Variants in XAB2 observed in about 807,000 individuals in gnomAD.
XAB2 encodes the protein XPA binding protein 2.
In XAB2, 57 loss-of-function variants were observed where a neutral mutation model predicts 113.4. That is an observed-to-expected ratio of 0.50 (90% CI 0.41 to 0.63). The LOEUF (loss-of-function observed/expected upper bound fraction) is 0.63, where lower values mean the gene tolerates loss of function less well. Ranked by LOEUF, XAB2 falls within the 20% of genes least tolerant of loss-of-function variation. The pLI, the probability that XAB2 is intolerant of heterozygous loss-of-function variation, is 0.00. For missense variants in XAB2, 1,037 were observed against 1,233.3 expected (o/e 0.84, Z 2.38); for synonymous variants, 497 against 498.8 (o/e 1.00, Z 0.05).
Position 7,625,980 on chromosome 19 carries a change from T to C in XAB2, c.722A>G (p.Asp241Gly). ...NPDKVQSLNV[D>G]AIIRGGLTRF... The stretch of plus-strand genomic sequence containing the variant: ...GGTGAGGCCCCCGCGGATGATGGCG[T>C]CCACATTGAGGGACTGTACCTTGTC... The change falls in exon 6 of 19, where the codon GAC (aspartate) becomes GGC (glycine). Residue 241 changes from aspartate to glycine, a missense_variant. Physicochemically the swap from Asp to Gly is moderately conservative, Grantham distance 94 (BLOSUM62 -1). Transcript: ENST00000358368. The surrounding 1 kb of genome is among the most constrained non-coding windows in gnomAD (Gnocchi z 5.2). The C allele has an allele frequency of 1.2e-6, 2 of 1,613,738 alleles. No homozygotes were observed. Among genetic ancestry groups the C allele is most frequent in the Non-Finnish European group, 1.7e-6 (2 of 1,179,870 alleles).
At chr19:7,629,117 A>T (rs1599375468) in intron 1 of XAB2, among the ~76,000 whole-genome samples, 1 of 151,976 alleles carries the variant, frequency 6.6e-6, no homozygotes, top group Non-Finnish European at 1.5e-5. Context: ...AGAAACCAGA[A>T]CCCTGGCCTC....
chr19:7,625,522 AG>A lies in XAB2; in HGVS notation c.822+357del, dbSNP rs1274783939. ...GAGATGGAGTCTCGCTCTGCCACCC[AG>A]GCTGGACTTCCGTGGCGCGATCGCA... On this transcript the variant is annotated intron_variant, in intron 6 of 18. Coordinates refer to ENST00000358368, the MANE Select transcript of XAB2 (RefSeq NM_020196.3). This position sits in a 1 kb window ranked among gnomAD's most constrained non-coding sequence, Gnocchi z 5.2. 7.9e-6 allele frequency among the ~76,000 whole-genome samples: 1 copy of A among 126,044 alleles called. No homozygotes were observed. Among genetic ancestry groups the A allele is most frequent in the Non-Finnish European group, 1.6e-5 (1 of 63,522 alleles). 82.7% of individuals were successfully genotyped at this position (126,044 alleles called of 152,430 possible). A position where few individuals can be genotyped will look rare whatever the true frequency, so the allele number is the denominator to read the frequency against.
chr19:7,627,361 C>A lies in XAB2; in HGVS notation c.404G>T (p.Arg135Leu). The A allele has an allele frequency of 6.2e-7, 1 of 1,613,260 alleles. No individual in the cohort carries two copies. The highest frequency in any genetic ancestry group is 8.5e-7 in the Non-Finnish European group (1 of 1,179,830). Reference protein sequence around the residue: ...RVTHTRRTFDRALRALPITQH... With the variant: ...RVTHTRRTFDLALRALPITQH... Reference sequence around the variant, plus strand: ...CGTGATGGGCAGTGCCCGGAGGGCACGGTCGAAGGTGCGGCGGGTGTGTGT... The same window carrying A: ...CGTGATGGGCAGTGCCCGGAGGGCAAGGTCGAAGGTGCGGCGGGTGTGTGT... The change falls in exon 4 of 19, where the codon CGT becomes CTT. Residue 135 changes from arginine (R) to leucine (L), a missense_variant. By Grantham distance (102) the Arg-to-Leu change is moderately radical (BLOSUM62 -2). Transcript: ENST00000358368. This position sits in a 1 kb window ranked among gnomAD's most constrained non-coding sequence, Gnocchi z 4.5.
chr19:7,620,241 T>G, intron 16 of XAB2, 34 bp downstream of exon 16: 1 of 1,611,216 alleles, frequency 6.2e-7, no homozygotes, highest in Non-Finnish European at 8.5e-7. Context: ...TGAGATGCCC[T>G]GGATCAGGAA....
At position 7,620,548 on chromosome 19, in the gene XAB2, CG is replaced by C; in HGVS notation, c.2092del (p.Arg698GlyfsTer72). ...YSFCSQICDP[R>X]TTGAFWQTWK... Reference sequence around the variant, plus strand: ...ACCCGTCCCTCCCCACAGCCCTACCCGGGGGTCACAGATCTGGGAGCAGAAG... The same window carrying C: ...ACCCGTCCCTCCCCACAGCCCTACCCGGGGTCACAGATCTGGGAGCAGAAG... On this transcript the variant is annotated frameshift_variant and splice_region_variant, in exon 15 of 19. Transcript: ENST00000358368. LOFTEE classifies it high-confidence loss of function. 1.9e-6 allele frequency: 3 copies of C among 1,613,368 alleles called. No individual in the cohort carries two copies. The highest frequency in any genetic ancestry group is 2.5e-6 in the Non-Finnish European group (3 of 1,179,942).
Position 7,624,575 on chromosome 19 carries a change from G to T in XAB2, c.823-130C>A. Reference sequence around the variant, plus strand: ...GTAGTGACGCATCCAGCACCTCTGGGTAGTGACCCCAGGACAGAGCCTCCG... The same window carrying T: ...GTAGTGACGCATCCAGCACCTCTGGTTAGTGACCCCAGGACAGAGCCTCCG... On this transcript the variant is annotated intron_variant, in intron 6 of 18. Transcript: ENST00000358368. The surrounding 1 kb of genome is among the most constrained non-coding windows in gnomAD (Gnocchi z 4.2). 7.3e-7 allele frequency: 1 copy of T among 1,377,286 alleles called. No homozygotes were observed. Among genetic ancestry groups the T allele is most frequent in the Non-Finnish European group, 9.9e-7 (1 of 1,008,560 alleles). The allele number at this position is 1,377,286 out of a possible 1,614,324, so 85.3% of individuals were successfully genotyped here. A position where few individuals can be genotyped will look rare whatever the true frequency, so the allele number is the denominator to read the frequency against.
Position 7,623,336 on chromosome 19 carries a change from A to G in XAB2, c.1120-47T>C. 1 of 1,602,276 alleles carries G rather than the reference A, an allele frequency of 6.2e-7. No individual in the cohort carries two copies. Among genetic ancestry groups the G allele is most frequent in the Non-Finnish European group, 8.5e-7 (1 of 1,173,512 alleles). On this transcript the variant is annotated intron_variant, in intron 8 of 18. Coordinates refer to ENST00000358368, the MANE Select transcript of XAB2 (RefSeq NM_020196.3). This position sits in a 1 kb window ranked among gnomAD's most constrained non-coding sequence, Gnocchi z 4.6. ...TCATATAGGACTCAGGACCCTGCAG[A>G]TGACGGTCGGGGCAGAGCTGTGGCT...
chr19:7,623,652 T>A lies in XAB2; in HGVS notation c.1119+79A>T. The A allele has an allele frequency of 6.7e-7, 1 of 1,502,300 alleles. No individual in the cohort carries two copies. Among genetic ancestry groups the A allele is most frequent in the Non-Finnish European group, 8.9e-7 (1 of 1,128,440 alleles). The allele number at this position is 1,502,300 out of a possible 1,614,324, so 93.1% of individuals were successfully genotyped here. On this transcript the variant is annotated intron_variant, in intron 8 of 18. Transcript: ENST00000358368. This position sits in a 1 kb window ranked among gnomAD's most constrained non-coding sequence, Gnocchi z 4.6. ...AAAGTCAGGCCCCTAGAAGGTGACA[T>A]TATGGGTGAAGGTGGGTGGCTCCCC...
chr19:7,624,273 C>T lies in XAB2; in HGVS notation c.967+28G>A. The stretch of plus-strand genomic sequence containing the variant: ...CGCTAATGTCCACTCAGCTCTCTCC[C>T]CACCAGCCGGGGCCCCCAGAGGCTC... On this transcript the variant is annotated intron_variant, in intron 7 of 18. Transcript: ENST00000358368. The surrounding 1 kb of genome is among the most constrained non-coding windows in gnomAD (Gnocchi z 4.2). 6.2e-7 allele frequency: 1 copy of T among 1,610,640 alleles called. No individual in the cohort carries two copies. Among genetic ancestry groups the T allele is most frequent in the Non-Finnish European group, 8.5e-7 (1 of 1,179,970 alleles).
rs970157331 is a variant in XAB2 at position 7,619,551 on chromosome 19, G to A, written c.*35C>T. ...GATGTACAAACGTAGCTGTATTGGG[G>A]AGGGGGTGGGGAGGGGGGATGGGGG... On this transcript the variant is annotated 3_prime_UTR_variant, in exon 19 of 19. Coordinates refer to ENST00000358368, the MANE Select transcript of XAB2 (RefSeq NM_020196.3). The A allele has an allele frequency of 3.5e-6, 5 of 1,420,362 alleles. No individual in the cohort carries two copies. The African/African-American group carries it at 4.4e-5, about 12-fold the overall frequency. The allele number at this position is 1,420,362 out of a possible 1,614,324, so 88.0% of individuals were successfully genotyped here. A position where few individuals can be genotyped will look rare whatever the true frequency, so the allele number is the denominator to read the frequency against.
chr19:7,622,493 C>A, intron 11 of XAB2, 37 bp downstream of exon 11: 1 of 1,613,736 alleles, frequency 6.2e-7, no homozygotes, highest in South Asian at 1.1e-5. Flanking sequence ...GGAGCTGAGT[C>A]CGGGGCCCCG....
intron 16 of XAB2, 27 bp from the exon 17 acceptor site, chr19:7,620,102 G>C (rs779591205): frequency 6.2e-7 from 1 of 1,605,896 alleles, no homozygotes; most frequent in Admixed American, 1.7e-5. Flanking sequence ...GGGGGTCAGC[G>C]CCACGGGGGC....
In XAB2 at chr19:7,624,314, C is replaced by T; in HGVS notation, c.954G>A (p.Gly318=). The change falls in exon 7 of 19, where the codon GGG becomes GGA. Residue 318 remains glycine (G), a synonymous_variant. Coordinates refer to ENST00000358368, the MANE Select transcript of XAB2 (RefSeq NM_020196.3). This position sits in a 1 kb window ranked among gnomAD's most constrained non-coding sequence, Gnocchi z 4.2. The part of the protein sequence containing the change: ...AAKMETASEL[G]REEEDDVDLE... Reference sequence around the variant, plus strand: ...CCAGAGGCTCACCCTCCTCCTCGCGCCCCAGCTCCGAGGCGGTCTCCATCT... The same window carrying T: ...CCAGAGGCTCACCCTCCTCCTCGCGTCCCAGCTCCGAGGCGGTCTCCATCT... 6.2e-7 allele frequency: 1 copy of T among 1,613,814 alleles called. No individual in the cohort carries two copies. Among genetic ancestry groups the T allele is most frequent in the Non-Finnish European group, 8.5e-7 (1 of 1,180,014 alleles).
Position 7,624,225 on chromosome 19 carries a change from C to T in XAB2, c.967+76G>A. 1 of 1,594,962 alleles carries T rather than the reference C, an allele frequency of 6.3e-7. No individual in the cohort carries two copies. The highest frequency in any genetic ancestry group is 8.5e-7 in the Non-Finnish European group (1 of 1,175,636). ...AGCTGAGCCTCCCAGGGCTGCCTCA[C>T]CTGAGATGTGTCCCGCCCCTACCGC... On this transcript the variant is annotated intron_variant, in intron 7 of 18. Transcript: ENST00000358368. The surrounding 1 kb of genome is among the most constrained non-coding windows in gnomAD (Gnocchi z 4.2).
In XAB2 at chr19:7,627,635, C is replaced by T. The variant is rs529348305; in HGVS notation, c.324+93G>A. On this transcript the variant is annotated intron_variant, in intron 3 of 18. Transcript: ENST00000358368. The surrounding 1 kb of genome is among the most constrained non-coding windows in gnomAD (Gnocchi z 4.5). ...AGCAACAGGAATCCAAGCCCCCATC[C>T]CTAACATGCTGAGCCCAGCCCCTGT... The T allele has an allele frequency of 6.4e-7, 1 of 1,572,204 alleles. No homozygotes were observed. The highest frequency in any genetic ancestry group is 1.7e-5 in the Admixed American group (1 of 57,760).
chr19:7,627,687 G>T lies in XAB2; in HGVS notation c.324+41C>A. 2 of 1,606,778 alleles carry T rather than the reference G, an allele frequency of 1.2e-6. No homozygotes were observed. Among genetic ancestry groups the T allele is most frequent in the Non-Finnish European group, 1.7e-6 (2 of 1,175,208 alleles). ...CCCGCCCCACCCACCACCATGGACT[G>T]AGCTCCACTTCCCGATTCATCCCCT... is the stretch of plus-strand genomic sequence containing the variant. On this transcript the variant is annotated intron_variant, in intron 3 of 18. Coordinates refer to ENST00000358368, the MANE Select transcript of XAB2 (RefSeq NM_020196.3). This position sits in a 1 kb window ranked among gnomAD's most constrained non-coding sequence, Gnocchi z 4.5.
chr19:7,621,185 C>T lies in XAB2; in HGVS notation c.1730G>A (p.Arg577Gln). ...RYGGRKLERA[R>Q]DLFEQALDGC... ...GTCCAGAGCCTGTTCAAACAGGTCC[C>T]GTGCCCGCTCCAGCTTGCGGCCCCC... Residue 577 changes from arginine to glutamine, a missense_variant, in exon 13 of 19, where the codon CGG (arginine) becomes CAG (glutamine). By Grantham distance (43) the Arg-to-Gln change is conservative. Transcript: ENST00000358368. 6 of 1,612,940 alleles carry T rather than the reference C, an allele frequency of 3.7e-6. No homozygotes were observed. Among genetic ancestry groups the T allele is most frequent in the Non-Finnish European group, 5.1e-6 (6 of 1,179,912 alleles).
rs769221217 is a variant in XAB2 at position 7,628,839 on chromosome 19, G to A, written c.52-541C>T. On this transcript the variant is annotated intron_variant, in intron 1 of 18. Coordinates refer to ENST00000358368, the MANE Select transcript of XAB2 (RefSeq NM_020196.3). The surrounding 1 kb of genome is among the most constrained non-coding windows in gnomAD (Gnocchi z 4.6). ...CCCGCCCCCAGGATCCCACTAGCCA[G>A]CGTCTAGCTCAACTCTGCCCCAGAA... 2.6e-5 allele frequency among the ~76,000 whole-genome samples: 4 copies of A among 152,186 alleles called. No homozygotes were observed. Among genetic ancestry groups the A allele is most frequent in the Non-Finnish European group, 5.9e-5 (4 of 68,034 alleles).
rs766192482 is a variant in XAB2 at position 7,623,828 on chromosome 19, C to T, written c.1022G>A (p.Arg341Gln). The change falls in exon 8 of 19, where the codon CGG (arginine) becomes CAG (glutamine). Residue 341 changes from arginine to glutamine, a missense_variant. By Grantham distance (43) the Arg-to-Gln change is conservative (BLOSUM62 1). Transcript: ENST00000358368. This position sits in a 1 kb window ranked among gnomAD's most constrained non-coding sequence, Gnocchi z 4.6. ...CAAGACGCTGTTGAGGAGCAGGGGC[C>T]GCCGGCTGATGAGCTGCTCGAAGCG... is the stretch of plus-strand genomic sequence containing the variant. ...LARFEQLISR[R>Q]PLLLNSVLLR... is the part of the protein sequence containing the mutation. The T allele has an allele frequency of 1.2e-6, 2 of 1,610,488 alleles. No individual in the cohort carries two copies. Among genetic ancestry groups the T allele is most frequent in the Non-Finnish European group, 1.7e-6 (2 of 1,179,168 alleles).
Sources: gnomAD v4.1 joint callset for allele counts (sites outside exome capture counted in the v4.1 genomes callset) on GRCh38, gnomAD v4.1.1 for gene constraint, Gnocchi (gnomAD v3.1) non-coding constraint, MANE v1.5 for transcripts, NCBI Gene and HGNC (gene_info 2026-07-23, HGNC 2026-07-21) for gene names.